The following KIF26B variants were observed in gnomAD, a reference collection of about 807,000 sequenced individuals.
KIF26B encodes kinesin-like protein KIF26B.
A neutral mutation model predicts 151.2 loss-of-function variants in KIF26B; 63 were observed. The observed-to-expected ratio is 0.42, with a 90% confidence interval of 0.34 to 0.51. The LOEUF (loss-of-function observed/expected upper bound fraction) is 0.51, where lower values mean the gene tolerates loss of function less well. KIF26B is among the 20% of genes least tolerant of loss of function. The pLI is 0.07. For synonymous variants in KIF26B, 1,357 were observed against 1,262.1 expected (o/e 1.08, Z -1.59); for missense variants, 2,813 against 2,913.6 (o/e 0.97, Z 0.79).
At chr1:245,404,129 C>G (rs966446410) in intron 3 of KIF26B, among the ~76,000 whole-genome samples, 20 of 151,784 alleles carry the variant, frequency 1.3e-4, no homozygotes, top group African/African-American at 4.1e-4. Flanking sequence ...AGAGGACAGA[C>G]TGAGCTGAGG....
intron 2 of KIF26B, among the ~76,000 whole-genome samples, chr1:245,274,573 G>A (rs1315210649): frequency 1.3e-5 from 2 of 151,852 alleles, no homozygotes. Flanking sequence ...CTTTTTTTAT[G>A]GCTGCATAGT....
At chr1:245,438,667 A>G (rs1236210955) in intron 4 of KIF26B, among the ~76,000 whole-genome samples, 9 of 151,816 alleles carry the variant, frequency 5.9e-5, no homozygotes, top group Non-Finnish European at 1.5e-5. Context: ...CTGATAAATG[A>G]ATAGACAAAA....
intron 4 of KIF26B, among the ~76,000 whole-genome samples, chr1:245,521,900 C>T (rs143318894): frequency 6.8e-6 from 1 of 146,942 alleles, no homozygotes; most frequent in Non-Finnish European, 1.5e-5. Flanking sequence ...GAGTCTTGCT[C>T]TGTCACCCAG....
chr1:245,261,504 C>CTCT (rs1558366108), intron 2 of KIF26B, among the ~76,000 whole-genome samples: 1 of 98,018 alleles, frequency 1.0e-5, no homozygotes, highest in African/African-American at 4.4e-5. Flanking sequence ...TCTCTCTCTC[C>CTCT]CTCCCTCCCT....
chr1:245,311,670 T>C (rs570347932), intron 2 of KIF26B, among the ~76,000 whole-genome samples: 13 of 152,142 alleles, frequency 8.5e-5, no homozygotes, highest in Non-Finnish European at 1.6e-4. Flanking sequence ...CAGTGGCTCA[T>C]GCCTGTAATC....
chr1:245,581,120 A>T (rs1261267825), intron 5 of KIF26B, among the ~76,000 whole-genome samples: 2 of 152,150 alleles, frequency 1.3e-5, no homozygotes, highest in Non-Finnish European at 2.9e-5. Context: ...GGTCACTAAA[A>T]GGCAAGTTCC....
rs898084308 is a variant in KIF26B at position 245,705,551 on chromosome 1, C to T, written c.*2945C>T. On this transcript the variant is annotated 3_prime_UTR_variant, in exon 15 of 15. Transcript: ENST00000407071. ...CCAAGGAGGCAAGGGGGAATATCAA[C>T]GAACCCATTTCTATTTCATTACCCA... is the stretch of plus-strand genomic sequence containing the variant. The T allele has an allele frequency of 4.6e-5, 7 of 152,018 alleles. No homozygotes were observed. Among genetic ancestry groups the T allele is most frequent in the Non-Finnish European group, 1.0e-4 (7 of 68,020 alleles). The allele number at this position is 152,018 out of a possible 1,614,324, so 9.4% of individuals were successfully genotyped here.
chr1:245,260,446 GT>G, intron 2 of KIF26B, among the ~76,000 whole-genome samples: 1 of 152,216 alleles, frequency 6.6e-6, no homozygotes, highest in Non-Finnish European at 1.5e-5. Flanking sequence ...TCAGGTACCT[GT>G]AAGAAGAGAA....
rs557158564 is a variant in KIF26B at position 245,698,639 on chromosome 1, CAACTT to C, written c.6028-245_6028-241del. ...CTTGAACACCCACCACCTGCTTTCT[CAACTT>C]AAGAATGGCCTGTCATAGTCCAAAA... is the stretch of plus-strand genomic sequence containing the variant. On this transcript the variant is annotated intron_variant, in intron 13 of 14. Transcript: ENST00000407071. The surrounding 1 kb of genome is among the most constrained non-coding windows in gnomAD (Gnocchi z 4.0). Among the ~76,000 whole-genome samples the C allele has an allele frequency of 3.2e-3, 481 of 152,322 alleles. 2 individuals are homozygous for C. The highest frequency in any genetic ancestry group is 6.2e-3 in the South Asian group (30 of 4,824).
At chr1:245,679,457 G>GTTTTTTTTTTTTTTTTTTTTTTTTT (rs35663208) in intron 10 of KIF26B, among the ~76,000 whole-genome samples, 5 of 59,210 alleles carry the variant, frequency 8.4e-5, no homozygotes, top group Admixed American at 2.5e-4. Context: ...TTTTGTGTGT[G>GTTTTTTTTTTTTTTTTTTTTTTTTT]TTTTTTTTTT....
chr1:245,531,955 G>A (rs1661371416), intron 4 of KIF26B, among the ~76,000 whole-genome samples: 1 of 151,994 alleles, frequency 6.6e-6, no homozygotes, highest in Non-Finnish European at 1.5e-5. Flanking sequence ...TTTTCAATTA[G>A]CCAGGCATGA....
At chr1:245,637,934 A>G (rs1370287668) in intron 9 of KIF26B, among the ~76,000 whole-genome samples, 1 of 151,922 alleles carries the variant, frequency 6.6e-6, no homozygotes, top group African/African-American at 2.4e-5. Flanking sequence ...ATCAGATAGT[A>G]TGATGTTTCC....
At position 245,474,062 on chromosome 1, in the gene KIF26B, AG is replaced by A. The variant is rs201953526; in HGVS notation, c.1166+54318del. Among the ~76,000 whole-genome samples the A allele has an allele frequency of 2.9e-3, 441 of 150,648 alleles. 13 individuals carry two copies. In the East Asian group the frequency reaches 0.058, roughly 20 times the overall value. The stretch of plus-strand genomic sequence containing the variant: ...TTCTAGCTATTTTGAAATATACAAT[AG>A]ATTATTGTAAACTGTAGTCACCTAC... On this transcript the variant is annotated intron_variant, in intron 4 of 14. Coordinates refer to ENST00000407071, the MANE Select transcript of KIF26B (RefSeq NM_018012.4).
chr1:245,201,749 T>C (rs1179238994), intron 2 of KIF26B, among the ~76,000 whole-genome samples: 2 of 152,192 alleles, frequency 1.3e-5, no homozygotes. Context: ...GCCCCCTTTT[T>C]AGGAGGCGTG....
Position 245,166,452 on chromosome 1 carries a change from T to C in KIF26B, c.465+9769T>C, listed in dbSNP as rs950742214. Among the ~76,000 whole-genome samples the C allele has an allele frequency of 2.0e-5, 3 of 152,224 alleles. No homozygotes were observed. The highest frequency in any genetic ancestry group is 7.2e-5 in the African/African-American group (3 of 41,446). On this transcript the variant is annotated intron_variant, in intron 2 of 14. Coordinates refer to ENST00000407071, the MANE Select transcript of KIF26B (RefSeq NM_018012.4). The surrounding 1 kb of genome is among the most constrained non-coding windows in gnomAD (Gnocchi z 4.5). ...CCACAGAAAGTTTAAGGGAGCTCAG[T>C]GGATGTAAATAGCGACTCCTTTGGG...
intron 2 of KIF26B, among the ~76,000 whole-genome samples, chr1:245,178,974 T>TG (rs1355780840): frequency 9.6e-6 from 1 of 104,172 alleles, no homozygotes; most frequent in Admixed American, 7.9e-5. Flanking sequence ...TTAACCATGT[T>TG]TTTTTTTTTT....
At chr1:245,396,843 A>G (rs11579379) in intron 3 of KIF26B, among the ~76,000 whole-genome samples, 35,580 of 152,026 alleles carry the variant, frequency 0.23, 6,441 homozygotes, top group African/African-American at 0.51. Flanking sequence ...CTTAGTAAGG[A>G]GTTGTGAAAT....
At chr1:245,678,691 G>C (rs982239195) in intron 10 of KIF26B, among the ~76,000 whole-genome samples, 1 of 151,566 alleles carries the variant, frequency 6.6e-6, no homozygotes, top group East Asian at 1.9e-4. Context: ...GTGAAATCCC[G>C]TCTCTACTAA....
intron 4 of KIF26B, among the ~76,000 whole-genome samples, chr1:245,503,022 G>A (rs1397073290): frequency 4.6e-5 from 7 of 151,844 alleles, no homozygotes; most frequent in Non-Finnish European, 7.4e-5. Flanking sequence ...CCACCACCCC[G>A]GCTAATTTTG....
Sources: gnomAD v4.1 joint callset for allele counts (sites outside exome capture counted in the v4.1 genomes callset) on GRCh38, gnomAD v4.1.1 for gene constraint, Gnocchi (gnomAD v3.1) non-coding constraint, MANE v1.5 for transcripts, NCBI Gene and HGNC (gene_info 2026-07-23, HGNC 2026-07-21) for gene names.